The following DSC2 variants were observed in gnomAD, a reference collection of about 807,000 sequenced individuals.
The protein encoded by DSC2 is desmocollin-2.
DSC2 carries 51 observed loss-of-function variants against 87.6 expected under a neutral mutation model. The observed-to-expected ratio is 0.58, with a 90% CI of 0.46 to 0.74. DSC2 has a LOEUF of 0.74. Ranked by LOEUF, DSC2 falls within the 30% of genes least tolerant of loss-of-function variation. The pLI is 0.00. For missense variants in DSC2, 1,066 were observed against 1,089.5 expected, an observed-to-expected ratio of 0.98 and a Z score of 0.30; for synonymous variants, 383 against 393.2, an observed-to-expected ratio of 0.97 and a Z score of 0.31.
At chr18:31,097,830 A>G (rs1270277846) in intron 1 of DSC2, among the ~76,000 whole-genome samples, 1 of 151,840 alleles carries the variant, frequency 6.6e-6, no homozygotes, top group Non-Finnish European at 1.5e-5. Flanking sequence ...ATACTTGCCT[A>G]CATCGCACGT....
chr18:31,074,397 G>C (rs1192221378), intron 12 of DSC2, among the ~76,000 whole-genome samples: 2 of 149,694 alleles, frequency 1.3e-5, no homozygotes, highest in African/African-American at 4.9e-5. Context: ...AAGTCTAAGA[G>C]AGAGAAAGAG....
rs1429556036 is a variant in DSC2 at position 31,061,518 on chromosome 18, A to G, written c.*6497T>C. ...GGATATACCAAATGGCTTGAGAAGA[A>G]TATGCTCCAAATCCATGACACAGTA... On this transcript the variant is annotated 3_prime_UTR_variant, in exon 16 of 16. Transcript: ENST00000280904. The G allele has an allele frequency of 1.3e-5, 2 of 152,202 alleles. No homozygotes were observed. Among genetic ancestry groups the G allele is most frequent in the Non-Finnish European group, 2.9e-5 (2 of 68,036 alleles). The allele number at this position is 152,202 out of a possible 1,614,324, so 9.4% of individuals were successfully genotyped here.
chr18:31,092,717 G>C (rs1987641484), intron 2 of DSC2, among the ~76,000 whole-genome samples: 1 of 152,022 alleles, frequency 6.6e-6, no homozygotes, highest in African/African-American at 2.4e-5. Flanking sequence ...TTGCTAAACA[G>C]TGATCACATT....
intron 1 of DSC2, chr18:31,101,287 C>CCGGG: frequency 1.1e-6 from 1 of 883,262 alleles, no homozygotes; most frequent in Non-Finnish European, 1.3e-6. Flanking sequence ...CCCGCCACTT[C>CCGGG]CCCCCGCCCT....
At chr18:31,077,154 C>T (rs1987049044) in intron 11 of DSC2, among the ~76,000 whole-genome samples, 1 of 152,190 alleles carries the variant, frequency 6.6e-6, no homozygotes, top group Non-Finnish European at 1.5e-5. Context: ...AACGCAACTA[C>T]CTTCCATTTT....
At chr18:31,070,681 A>G in intron 14 of DSC2, 45 bp downstream of exon 14, 1 of 1,611,306 alleles carries the variant, frequency 6.2e-7, no homozygotes, top group Non-Finnish European at 8.5e-7. Context: ...ACGCATTATA[A>G]GCGAATTCAT....
At chr18:31,076,181 T>C (rs1987011429) in intron 11 of DSC2, among the ~76,000 whole-genome samples, 1 of 152,174 alleles carries the variant, frequency 6.6e-6, no homozygotes, top group African/African-American at 2.4e-5. Flanking sequence ...AGCACATCCC[T>C]GAAGTCACAA....
In DSC2 at chr18:31,066,993, AC is replaced by A. The variant is rs1254665234; in HGVS notation, c.*1021del. The A allele has an allele frequency of 6.6e-6, 1 of 152,154 alleles. No homozygotes were observed. The highest frequency in any genetic ancestry group is 1.9e-4 in the East Asian group (1 of 5,200). 9.4% of individuals were successfully genotyped at this position (152,154 alleles called of 1,614,324 possible). A position where few individuals can be genotyped will look rare whatever the true frequency, so the allele number is the denominator to read the frequency against. On this transcript the variant is annotated 3_prime_UTR_variant, in exon 16 of 16. Coordinates refer to ENST00000280904, the MANE Select transcript of DSC2 (RefSeq NM_024422.6). ...TAATTACACCATTCTTGTTGTTAAC[AC>A]AGAGCACTGCTTCTAATAAAAGCAT... is the stretch of plus-strand genomic sequence containing the variant.
At chr18:31,077,084 G>C (rs970459731) in intron 11 of DSC2, among the ~76,000 whole-genome samples, 3 of 152,070 alleles carry the variant, frequency 2.0e-5, no homozygotes, top group African/African-American at 7.2e-5. Context: ...ATATAGTAAA[G>C]GATGTACTTC....
chr18:31,093,516 C>T, intron 2 of DSC2, 43 bp downstream of exon 2: 2 of 1,494,396 alleles, frequency 1.3e-6, no homozygotes, highest in East Asian at 2.3e-5. Flanking sequence ...GTATATGTAC[C>T]ACAGCAAAAC....
chr18:31,078,615 G>C (rs527352361), intron 11 of DSC2, among the ~76,000 whole-genome samples: 1 of 151,838 alleles, frequency 6.6e-6, no homozygotes, highest in African/African-American at 2.4e-5. Context: ...AAAAAGACAT[G>C]AGAATCTGAG....
intron 1 of DSC2, among the ~76,000 whole-genome samples, chr18:31,099,033 A>C (rs976847372): frequency 2.0e-5 from 3 of 152,340 alleles, no homozygotes; most frequent in African/African-American, 7.2e-5. Context: ...ATATATTGAA[A>C]TACAGGACAC....
chr18:31,097,987 T>C (rs548077159), intron 1 of DSC2, among the ~76,000 whole-genome samples: 7 of 152,326 alleles, frequency 4.6e-5, no homozygotes, highest in African/African-American at 1.4e-4. Context: ...CATGTTGCAC[T>C]TTTTCTTCTT....
rs2144788686 is a variant in DSC2 at position 31,070,854 on chromosome 18, G to T, written c.2126-4C>A. The T allele has an allele frequency of 6.2e-7, 1 of 1,613,598 alleles. No individual in the cohort carries two copies. Among genetic ancestry groups the T allele is most frequent in the Non-Finnish European group, 8.5e-7 (1 of 1,179,694 alleles). ...CAGACCAGCGTAAACAGGATGCCTG[G>T]AGGAAGAAAGAAATATACTTGAGTT... is the stretch of plus-strand genomic sequence containing the variant. On this transcript the variant is annotated splice_polypyrimidine_tract_variant and splice_region_variant and intron_variant, in intron 13 of 15. Coordinates refer to ENST00000280904, the MANE Select transcript of DSC2 (RefSeq NM_024422.6).
intron 12 of DSC2, among the ~76,000 whole-genome samples, chr18:31,072,669 T>G (rs1432724951): frequency 1.3e-5 from 2 of 152,122 alleles, no homozygotes; most frequent in Non-Finnish European, 2.9e-5. Flanking sequence ...CAATACAATC[T>G]TGGTTTTGGA....
chr18:31,083,203 T>C, intron 7 of DSC2, 143 bp from the exon 8 acceptor site: 1 of 973,968 alleles, frequency 1.0e-6, no homozygotes, highest in South Asian at 1.7e-5. Flanking sequence ...ATTAGAAGAA[T>C]TTTCTCTCAC....
At chr18:31,101,375 G>T (rs1987943396) in intron 1 of DSC2, 1 of 717,072 alleles carries the variant, frequency 1.4e-6, no homozygotes, top group Non-Finnish European at 1.7e-6. Flanking sequence ...CGTCCCGGCC[G>T]CCCAGCGGTT....
chr18:31,101,430 A>G (rs1987945833), intron 1 of DSC2, among the ~76,000 whole-genome samples: 1 of 141,674 alleles, frequency 7.1e-6, no homozygotes, highest in Non-Finnish European at 1.5e-5. Flanking sequence ...AGGGAGCCGC[A>G]CGTTCCCGAG....
At chr18:31,078,231 G>A (rs781585924) in intron 11 of DSC2, among the ~76,000 whole-genome samples, 5 of 152,174 alleles carry the variant, frequency 3.3e-5, no homozygotes, top group South Asian at 2.1e-4. Flanking sequence ...ACACACTTTT[G>A]TATAATCTCA....
Sources: allele counts gnomAD v4.1 joint callset (sites outside exome capture counted in the v4.1 genomes callset), GRCh38; gene constraint gnomAD v4.1.1; transcripts MANE v1.5; gene names NCBI Gene and HGNC (gene_info 2026-07-23, HGNC 2026-07-21).